The following TLE4 variants were observed in gnomAD, a reference collection of about 807,000 sequenced individuals.
TLE4 encodes TLE family member 4, transcriptional corepressor.
Under a neutral mutation model 92.8 loss-of-function variants are expected in TLE4, and 8 were observed. That is an observed-to-expected ratio of 0.09 (90% CI 0.05 to 0.16). The LOEUF is 0.16. Ranked by LOEUF, TLE4 falls within the 10% of genes least tolerant of loss-of-function variation. The pLI, the probability that TLE4 is intolerant of heterozygous loss-of-function variation, is 1.00. For missense variants in TLE4, 675 were observed against 997.6 expected (o/e 0.68, Z 4.36); for synonymous variants, 371 against 374.1 (o/e 0.99, Z 0.10).
chr9:79,608,372 GA>G (rs1001705949), intron 4 of TLE4, among the ~76,000 whole-genome samples: 4 of 152,042 alleles, frequency 2.6e-5, no homozygotes, highest in African/African-American at 9.7e-5. Flanking sequence ...TTTTCTGATT[GA>G]AATTTTAAAG....
intron 5 of TLE4, among the ~76,000 whole-genome samples, chr9:79,621,312 G>A (rs994777375): frequency 6.6e-6 from 1 of 152,214 alleles, no homozygotes; most frequent in Non-Finnish European, 1.5e-5. Flanking sequence ...CAGAAGGATG[G>A]ATGAGTGGGC....
chr9:79,648,145 C>G (rs140369451), intron 6 of TLE4, among the ~76,000 whole-genome samples: 162 of 152,202 alleles, frequency 1.1e-3, no homozygotes, highest in African/African-American at 3.8e-3. Flanking sequence ...GAAATTGGAA[C>G]TTTTGTTTTT....
intron 4 of TLE4, among the ~76,000 whole-genome samples, chr9:79,577,286 G>T (rs1056065386): frequency 3.3e-5 from 5 of 152,134 alleles, no homozygotes; most frequent in Non-Finnish European, 7.4e-5. Flanking sequence ...ATCCCAGATA[G>T]TAGATCTTTA....
chr9:79,641,269 A>G (rs940342461), intron 6 of TLE4, among the ~76,000 whole-genome samples: 6 of 152,248 alleles, frequency 3.9e-5, no homozygotes, highest in African/African-American at 1.4e-4. Flanking sequence ...GATGCTTTAA[A>G]GAAAATGAGA....
chr9:79,609,876 T>C (rs2047973063), intron 4 of TLE4, among the ~76,000 whole-genome samples: 1 of 152,102 alleles, frequency 6.6e-6, no homozygotes, highest in Non-Finnish European at 1.5e-5. Context: ...TGGCGTAGCC[T>C]GATGGATAGC....
At chr9:79,665,326 G>A (rs1053557884) in intron 8 of TLE4, among the ~76,000 whole-genome samples, 4 of 152,166 alleles carry the variant, frequency 2.6e-5, no homozygotes, top group African/African-American at 9.7e-5. Context: ...GGCCTGTACT[G>A]CATTGGGGGT....
At chr9:79,586,017 A>G (rs936816392) in intron 4 of TLE4, among the ~76,000 whole-genome samples, 1 of 152,158 alleles carries the variant, frequency 6.6e-6, no homozygotes. Flanking sequence ...AAGTATATAT[A>G]ACATAAAATA....
At chr9:79,572,953 C>T in intron 1 of TLE4, 118 bp downstream of exon 1, 2 of 1,118,064 alleles carry the variant, frequency 1.8e-6, no homozygotes, top group African/African-American at 1.7e-5. Flanking sequence ...CCGAAATCGG[C>T]GCCCCGCGCC....
At chr9:79,625,464 T>C (rs2052365613) in intron 5 of TLE4, among the ~76,000 whole-genome samples, 1 of 152,190 alleles carries the variant, frequency 6.6e-6, no homozygotes, top group Non-Finnish European at 1.5e-5. Flanking sequence ...GAAACATGTT[T>C]GTTGTATTCT....
At position 79,594,684 on chromosome 9, in the gene TLE4, C is replaced by T. The variant is rs372914841; in HGVS notation, c.253-17972C>T. Reference sequence around the variant, plus strand: ...TCTTTCTTCTTCGTTCACTCCACTCCGACAGATACTTAGGCTTTTGTATTG... The same window carrying T: ...TCTTTCTTCTTCGTTCACTCCACTCTGACAGATACTTAGGCTTTTGTATTG... On this transcript the variant is annotated intron_variant, in intron 4 of 19. Coordinates refer to ENST00000376552, the MANE Select transcript of TLE4 (RefSeq NM_007005.6). Among the ~76,000 whole-genome samples, 57 of 152,266 alleles carry T rather than the reference C, an allele frequency of 3.7e-4. No homozygotes were observed. The East Asian group carries it at 7.7e-3, about 21-fold the overall frequency.
chr9:79,606,351 T>C (rs1345014484), intron 4 of TLE4, among the ~76,000 whole-genome samples: 2 of 146,656 alleles, frequency 1.4e-5, no homozygotes, highest in Non-Finnish European at 3.0e-5. Context: ...TTTTTAAGAA[T>C]ACCTAAGATT....
At chr9:79,626,111 A>C (rs892701324) in intron 5 of TLE4, among the ~76,000 whole-genome samples, 7 of 152,158 alleles carry the variant, frequency 4.6e-5, no homozygotes, top group African/African-American at 1.7e-4. Flanking sequence ...AAAACATCAC[A>C]TTGTAAATAA....
chr9:79,589,914 T>C (rs1461406665), intron 4 of TLE4, among the ~76,000 whole-genome samples: 1 of 152,226 alleles, frequency 6.6e-6, no homozygotes, highest in Non-Finnish European at 1.5e-5. Flanking sequence ...TGTCATGTCC[T>C]GATCACACTG....
At chr9:79,605,458 A>G (rs568945180) in intron 4 of TLE4, among the ~76,000 whole-genome samples, 6 of 152,280 alleles carry the variant, frequency 3.9e-5, no homozygotes, top group Admixed American at 3.3e-4. Flanking sequence ...TTGGAGCAGT[A>G]TTTAAACACA....
At chr9:79,701,057 T>C (rs2069705445) in intron 8 of TLE4, among the ~76,000 whole-genome samples, 1 of 152,204 alleles carries the variant, frequency 6.6e-6, no homozygotes. Context: ...AGCATGACTT[T>C]ATCGGTATTT....
In TLE4 at chr9:79,612,570, T is replaced by C. The variant is rs2048607072; in HGVS notation, c.253-86T>C. 3 of 1,210,984 alleles carry C rather than the reference T, an allele frequency of 2.5e-6. No homozygotes were observed. The South Asian group carries it at 3.6e-5, about 15-fold the overall frequency. 75.0% of individuals were successfully genotyped at this position (1,210,984 alleles called of 1,614,324 possible). On this transcript the variant is annotated intron_variant, in intron 4 of 19. Transcript: ENST00000376552. ...TATGCCAGCCAAATTATAAAGTATG[T>C]TTTAATATCATCCTGTTAATATTTG...
chr9:79,650,884 T>C (rs1035894780), intron 6 of TLE4, among the ~76,000 whole-genome samples: 7 of 152,118 alleles, frequency 4.6e-5, no homozygotes, highest in Admixed American at 3.9e-4. Context: ...TAATTAATAC[T>C]GTACTTGGAC....
intron 4 of TLE4, among the ~76,000 whole-genome samples, chr9:79,592,515 A>G (rs559951982): frequency 3.3e-5 from 5 of 151,974 alleles, no homozygotes; most frequent in Non-Finnish European, 5.9e-5. Context: ...AGCTCAAGCC[A>G]CACGCCCACC....
intron 6 of TLE4, among the ~76,000 whole-genome samples, chr9:79,634,930 T>G (rs1191303857): frequency 1.3e-5 from 2 of 152,198 alleles, no homozygotes; most frequent in Non-Finnish European, 2.9e-5. Flanking sequence ...AGAAACATTC[T>G]TATTTGGATA....
Sources: allele counts gnomAD v4.1 joint callset (sites outside exome capture counted in the v4.1 genomes callset), GRCh38; gene constraint gnomAD v4.1.1; transcripts MANE v1.5; gene names NCBI Gene and HGNC (gene_info 2026-07-23, HGNC 2026-07-21).